The following JAKMIP2 variants were observed in gnomAD, a reference collection of about 807,000 sequenced individuals.
JAKMIP2 encodes janus kinase and microtubule-interacting protein 2.
JAKMIP2 carries 25 observed loss-of-function variants against 115.0 expected under a neutral mutation model. The ratio of observed to expected loss-of-function variants is 0.22; its 90% CI spans 0.16 to 0.30. JAKMIP2 has a LOEUF of 0.30. Among genes scored for constraint, JAKMIP2 ranks in the 10% least tolerant of loss-of-function variants. The probability of loss-of-function intolerance (pLI) is 1.00; values close to 1 mark genes in which losing one functional copy is unlikely to be tolerated. For missense variants in JAKMIP2, 642 were observed against 957.6 expected (o/e 0.67, Z 4.35); for synonymous variants, 334 against 343.6 (o/e 0.97, Z 0.31).
chr5:147,757,186 T>C (rs1285060572), intron 1 of JAKMIP2, among the ~76,000 whole-genome samples: 1 of 152,010 alleles, frequency 6.6e-6, no homozygotes, highest in Non-Finnish European at 1.5e-5. Flanking sequence ...TTGTAGGAAA[T>C]ATGACTATGA....
chr5:147,603,473 G>C (rs750761573), intron 20 of JAKMIP2, among the ~76,000 whole-genome samples: 1 of 152,170 alleles, frequency 6.6e-6, no homozygotes, highest in African/African-American at 2.4e-5. Flanking sequence ...GATATTACAT[G>C]TACCCTGAGT....
chr5:147,679,580 G>C lies in JAKMIP2; in HGVS notation c.-148-7626C>G, dbSNP rs76583587. Among the ~76,000 whole-genome samples, 6 of 152,352 alleles carry C rather than the reference G, an allele frequency of 3.9e-5. No individual in the cohort carries two copies. The East Asian group carries it at 1.2e-3, about 29-fold the overall frequency. ...CATAAAAAGGATGGCATTGAGCTGAGCCTGAATGATATTACCTACCTTAAT... is the reference window on the plus strand; with the variant it reads ...CATAAAAAGGATGGCATTGAGCTGACCCTGAATGATATTACCTACCTTAAT... On this transcript the variant is annotated intron_variant, in intron 1 of 21. Coordinates refer to ENST00000616793, the MANE Select transcript of JAKMIP2 (RefSeq NM_001270941.2).
At chr5:147,594,752 C>A (rs1488778959) in intron 21 of JAKMIP2, among the ~76,000 whole-genome samples, 13 of 152,144 alleles carry the variant, frequency 8.5e-5, no homozygotes. Context: ...ATCTCTGACA[C>A]CTTCCACTCC....
chr5:147,669,486 T>G (rs1759472095), intron 2 of JAKMIP2, among the ~76,000 whole-genome samples: 2 of 152,182 alleles, frequency 1.3e-5, no homozygotes, highest in South Asian at 4.1e-4. Flanking sequence ...GAGTTACCCA[T>G]TTTAAAAGGC....
rs1754999882 is a variant in JAKMIP2, at chr5:147,589,108, GCAT to G, written c.*2596_*2598del. The G allele has an allele frequency of 6.6e-6, 1 of 152,106 alleles. No individual in the cohort carries two copies. The highest frequency in any genetic ancestry group is 1.5e-5 in the Non-Finnish European group (1 of 68,032). The allele number at this position is 152,106 out of a possible 1,614,324, so 9.4% of individuals were successfully genotyped here. ...CTCTTTCACATTTCTTGCCTAATGA[GCAT>G]ATGGCTCATATTTAATCTGGAACCT... is the stretch of plus-strand genomic sequence containing the variant. On this transcript the variant is annotated 3_prime_UTR_variant, in exon 22 of 22. Transcript: ENST00000616793.
intron 20 of JAKMIP2, among the ~76,000 whole-genome samples, chr5:147,607,537 G>C (rs1199722856): frequency 6.6e-6 from 1 of 152,158 alleles, no homozygotes; most frequent in Non-Finnish European, 1.5e-5. Flanking sequence ...TGCGATCGTG[G>C]TGGATAAGGT....
In JAKMIP2 at chr5:147,602,653, C is replaced by A. The variant is rs115931770; in HGVS notation, c.2413-842G>T. Among the ~76,000 whole-genome samples the A allele has an allele frequency of 6.6e-5, 10 of 152,212 alleles. No individual in the cohort carries two copies. In the East Asian group the frequency reaches 1.9e-3, roughly 29 times the overall value. ...TTGAGTAGCACAGGTATATAACTAA[C>A]CGTATACTAACTATAAAAAGTCATG... On this transcript the variant is annotated intron_variant, in intron 20 of 21. Transcript: ENST00000616793.
In JAKMIP2 at chr5:147,586,594, C is replaced by A. The variant is rs1222026292; in HGVS notation, c.*5113G>T. 1 of 151,984 alleles carries A rather than the reference C, an allele frequency of 6.6e-6. No individual in the cohort carries two copies. The highest frequency in any genetic ancestry group is 1.5e-5 in the Non-Finnish European group (1 of 68,022). 9.4% of individuals were successfully genotyped at this position (151,984 alleles called of 1,614,324 possible). A position where few individuals can be genotyped will look rare whatever the true frequency, so the allele number is the denominator to read the frequency against. ...GAAAATATAAGCATGGGTACAAAGA[C>A]CGTAATGCAGAAAAAAACAAAAACA... On this transcript the variant is annotated 3_prime_UTR_variant, in exon 22 of 22. Coordinates refer to ENST00000616793, the MANE Select transcript of JAKMIP2 (RefSeq NM_001270941.2).
chr5:147,687,878 T>TA (rs1232398556), intron 1 of JAKMIP2, among the ~76,000 whole-genome samples: 2 of 152,214 alleles, frequency 1.3e-5, no homozygotes, highest in Non-Finnish European at 2.9e-5. Context: ...TGCAGTTACA[T>TA]AAAACACAAA....
intron 3 of JAKMIP2, among the ~76,000 whole-genome samples, chr5:147,656,370 C>T (rs568953449): frequency 5.9e-5 from 9 of 152,276 alleles, no homozygotes; most frequent in Admixed American, 2.0e-4. Flanking sequence ...CTGGGTGCTC[C>T]TATATTGGGT....
intron 3 of JAKMIP2, among the ~76,000 whole-genome samples, chr5:147,655,657 T>C (rs1758639738): frequency 6.6e-6 from 1 of 152,158 alleles, no homozygotes; most frequent in African/African-American, 2.4e-5. Context: ...CCTGGATTCA[T>C]TGATTTTTTG....
chr5:147,674,393 T>C (rs1054088064), intron 1 of JAKMIP2, among the ~76,000 whole-genome samples: 6 of 152,192 alleles, frequency 3.9e-5, no homozygotes, highest in African/African-American at 1.4e-4. Context: ...TGTTGTCTTC[T>C]TGAATGAAGA....
chr5:147,600,960 C>T (rs1755661384), intron 21 of JAKMIP2, among the ~76,000 whole-genome samples: 1 of 151,974 alleles, frequency 6.6e-6, no homozygotes, highest in South Asian at 2.1e-4. Flanking sequence ...CTAGTCTCTA[C>T]TGGGGAAAAG....
chr5:147,755,321 C>T (rs1015789205), intron 1 of JAKMIP2, among the ~76,000 whole-genome samples: 1 of 152,070 alleles, frequency 6.6e-6, no homozygotes, highest in African/African-American at 2.4e-5. Flanking sequence ...TGTCTCATGT[C>T]TCCCTAAAAT....
intron 19 of JAKMIP2, 74 bp downstream of exon 19, chr5:147,617,837 C>T: frequency 2.5e-6 from 3 of 1,185,788 alleles, no homozygotes; most frequent in South Asian, 2.5e-5. Flanking sequence ...TACCCATACT[C>T]AATACCGTGT....
intron 1 of JAKMIP2, among the ~76,000 whole-genome samples, chr5:147,676,015 G>A (rs1214272385): frequency 1.3e-5 from 2 of 152,092 alleles, no homozygotes; most frequent in Non-Finnish European, 1.5e-5. Flanking sequence ...GCCATCACAA[G>A]GGACATCACT....
Position 147,588,056 on chromosome 5 carries a change from C to T in JAKMIP2, c.*3651G>A, listed in dbSNP as rs927930320. ...AAGTCAGAAGGGTTGTAATTTTTTT[C>T]AGCAAATTCTATTTCCTAAAAGTAG... On this transcript the variant is annotated 3_prime_UTR_variant, in exon 22 of 22. Transcript: ENST00000616793. 1.3e-5 allele frequency: 2 copies of T among 151,520 alleles called. No homozygotes were observed. The highest frequency in any genetic ancestry group is 2.1e-4 in the South Asian group (1 of 4,802). 9.4% of individuals were successfully genotyped at this position (151,520 alleles called of 1,614,324 possible).
At chr5:147,652,417 A>T (rs1473795919) in intron 3 of JAKMIP2, among the ~76,000 whole-genome samples, 1 of 152,138 alleles carries the variant, frequency 6.6e-6, no homozygotes, top group Non-Finnish European at 1.5e-5. Flanking sequence ...ATGAGCATGG[A>T]CTCTGATCTC....
At chr5:147,666,924 C>T (rs1759326838) in intron 2 of JAKMIP2, among the ~76,000 whole-genome samples, 1 of 152,034 alleles carries the variant, frequency 6.6e-6, no homozygotes, top group African/African-American at 2.4e-5. Context: ...TTAATAAATA[C>T]TGTGTATATA....
Sources: gnomAD v4.1 joint callset for allele counts (sites outside exome capture counted in the v4.1 genomes callset) on GRCh38, gnomAD v4.1.1 for gene constraint, MANE v1.5 for transcripts, NCBI Gene and HGNC (gene_info 2026-07-23, HGNC 2026-07-21) for gene names.